The following HM13 variants were observed in gnomAD, a reference collection of about 807,000 sequenced individuals.
HM13 encodes the protein signal peptide peptidase.
Under a neutral mutation model 50.0 loss-of-function variants are expected in HM13, and 18 were observed. The observed-to-expected ratio is 0.36, with a 90% CI of 0.25 to 0.53. The LOEUF is 0.53. Among genes scored for constraint, HM13 ranks in the 20% least tolerant of loss-of-function variants. The pLI is 0.90. For synonymous variants in HM13, 197 were observed against 232.6 expected (o/e 0.85, Z 1.39); for missense variants, 393 against 552.4 (o/e 0.71, Z 2.89).
chr20:31,532,222 C>A (rs146367463), intron 2 of HM13, among the ~76,000 whole-genome samples: 3 of 151,734 alleles, frequency 2.0e-5, no homozygotes, highest in African/African-American at 7.3e-5. Flanking sequence ...GTCAGGAGAT[C>A]GAGACCATCC....
chr20:31,517,901 A>G (rs1376033107), intron 1 of HM13, among the ~76,000 whole-genome samples: 1 of 152,032 alleles, frequency 6.6e-6, no homozygotes, highest in African/African-American at 2.4e-5. Context: ...AAGTAACCCA[A>G]CTGGCTGTTG....
chr20:31,542,028 T>C (rs1468220945), intron 3 of HM13, among the ~76,000 whole-genome samples: 1 of 152,242 alleles, frequency 6.6e-6, no homozygotes, highest in Non-Finnish European at 1.5e-5. Flanking sequence ...CCTCCTGCCA[T>C]TGAGCCTGTG....
intron 10 of HM13, among the ~76,000 whole-genome samples, chr20:31,564,897 G>A (rs940160566): frequency 1.3e-5 from 2 of 151,284 alleles, no homozygotes; most frequent in Non-Finnish European, 2.9e-5. Flanking sequence ...CAGGCGCGGT[G>A]TCTCACGCTT....
At chr20:31,547,623 T>C in intron 4 of HM13, 1 of 1,578,532 alleles carries the variant, frequency 6.3e-7, no homozygotes. Context: ...AACCATGGCT[T>C]AATCAAATCA....
At chr20:31,515,952 C>G (rs1019013047) in intron 1 of HM13, among the ~76,000 whole-genome samples, 1 of 152,202 alleles carries the variant, frequency 6.6e-6, no homozygotes, top group Admixed American at 6.5e-5. Flanking sequence ...CTGAGGTTCT[C>G]AAAACACTAC....
intron 2 of HM13, among the ~76,000 whole-genome samples, chr20:31,532,404 AC>A (rs1982874034): frequency 6.6e-6 from 1 of 152,194 alleles, no homozygotes; most frequent in African/African-American, 2.4e-5. Flanking sequence ...CAGCCTGGTG[AC>A]AGAGAGAGAC....
chr20:31,515,672 T>C (rs1392601051), intron 1 of HM13, among the ~76,000 whole-genome samples: 3 of 152,152 alleles, frequency 2.0e-5, no homozygotes, highest in African/African-American at 7.2e-5. Context: ...ACATCTGTCC[T>C]ATTGGATAAC....
intron 4 of HM13, chr20:31,548,472 C>T: frequency 5.4e-6 from 1 of 186,436 alleles, no homozygotes; most frequent in Non-Finnish European, 1.1e-5. Context: ...ACTGAGGCTG[C>T]CGCTAACCTT....
intron 8 of HM13, among the ~76,000 whole-genome samples, chr20:31,559,112 T>C (rs1473312460): frequency 6.6e-6 from 1 of 152,170 alleles, no homozygotes; most frequent in African/African-American, 2.4e-5. Flanking sequence ...GAGACGAGGT[T>C]TCGCCATGTT....
chr20:31,525,448 T>C (rs1311622217), intron 1 of HM13, among the ~76,000 whole-genome samples: 1 of 152,228 alleles, frequency 6.6e-6, no homozygotes. Flanking sequence ...CTTCTAGGGA[T>C]GCTGGTGCTT....
intron 8 of HM13, among the ~76,000 whole-genome samples, chr20:31,557,542 C>T (rs1188784657): frequency 6.6e-6 from 1 of 152,218 alleles, no homozygotes; most frequent in East Asian, 1.9e-4. Context: ...TCGTAGAAAT[C>T]AGCCGCCAGG....
At chr20:31,562,444 C>CAAGT (rs1157093317) in intron 10 of HM13, 3 of 152,582 alleles carry the variant, frequency 2.0e-5, no homozygotes, top group African/African-American at 7.2e-5. Flanking sequence ...TGACACACTG[C>CAAGT]AAGTATGTGG....
chr20:31,566,797 G>C (rs993671362), intron 11 of HM13, among the ~76,000 whole-genome samples: 1 of 151,684 alleles, frequency 6.6e-6, no homozygotes, highest in Admixed American at 6.6e-5. Flanking sequence ...CTCTATATCT[G>C]TATCTCACAC....
rs570484387 is a variant in HM13 at position 31,536,769 on chromosome 20, C to T, written c.283-1410C>T. ...ACCTGCTCCCTTCGTTTATGACGCTCCTCCTATGTCCTCTCCTCCAGAACC... is the reference window on the plus strand; with the variant it reads ...ACCTGCTCCCTTCGTTTATGACGCTTCTCCTATGTCCTCTCCTCCAGAACC... On this transcript the variant is annotated intron_variant, in intron 2 of 12. Coordinates refer to ENST00000398174, the MANE Select transcript of HM13 (RefSeq NM_178581.3). Among the ~76,000 whole-genome samples the T allele has an allele frequency of 2.0e-4, 31 of 152,330 alleles. No individual in the cohort carries two copies. The Middle Eastern group carries it at 0.014, about 67-fold the overall frequency.
intron 3 of HM13, among the ~76,000 whole-genome samples, chr20:31,542,672 C>T (rs1600644139): frequency 6.6e-6 from 1 of 152,266 alleles, no homozygotes; most frequent in Middle Eastern, 3.4e-3. Context: ...TTGCTTGACT[C>T]CTCCCCTGTG....
rs547062988 is a variant in HM13 at position 31,514,935 on chromosome 20, G to T, written c.183+201G>T. On this transcript the variant is annotated intron_variant, in intron 1 of 12. Transcript: ENST00000398174. The surrounding 1 kb of genome is among the most constrained non-coding windows in gnomAD (Gnocchi z 4.3). ...ATCTGGGCACCGACCCCCGACCAGGGTATGATACCTTCCCCAATAGGAACT... is the reference window on the plus strand; with the variant it reads ...ATCTGGGCACCGACCCCCGACCAGGTTATGATACCTTCCCCAATAGGAACT... Among the ~76,000 whole-genome samples, 1 of 152,210 alleles carries T rather than the reference G, an allele frequency of 6.6e-6. No individual in the cohort carries two copies. The highest frequency in any genetic ancestry group is 1.9e-4 in the East Asian group (1 of 5,158).
intron 8 of HM13, among the ~76,000 whole-genome samples, chr20:31,555,836 G>A (rs1163334680): frequency 2.0e-5 from 3 of 151,608 alleles, no homozygotes; most frequent in Non-Finnish European, 4.4e-5. Flanking sequence ...CAGTCGTGGT[G>A]GCTCATGCCT....
At chr20:31,561,848 G>A (rs539315035) in intron 10 of HM13, 112 bp downstream of exon 10, 2 of 744,842 alleles carry the variant, frequency 2.7e-6, no homozygotes, top group African/African-American at 1.7e-5. Context: ...CCCCACTGGT[G>A]TTGGAGCAGT....
chr20:31,522,325 G>A lies in HM13; in HGVS notation c.184-5159G>A, dbSNP rs111303420. 9.9e-3 allele frequency among the ~76,000 whole-genome samples: 1,509 copies of A among 152,234 alleles called. 12 individuals are homozygous for A. The highest frequency in any genetic ancestry group is 0.017 in the Non-Finnish European group (1,144 of 68,020). ...CACCTGTAATCCCAGCACTTTGGGA[G>A]GCCAAGGCAGGCAGATCATCTGAGG... On this transcript the variant is annotated intron_variant, in intron 1 of 12. Transcript: ENST00000398174.
Sources: gnomAD v4.1 joint callset for allele counts (sites outside exome capture counted in the v4.1 genomes callset) on GRCh38, gnomAD v4.1.1 for gene constraint, Gnocchi (gnomAD v3.1) non-coding constraint, MANE v1.5 for transcripts, NCBI Gene and HGNC (gene_info 2026-07-23, HGNC 2026-07-21) for gene names.